Variants in NUP98 observed in about 807,000 individuals in gnomAD.
NUP98 encodes nuclear pore complex protein Nup98-Nup96.
A neutral mutation model predicts 191.9 loss-of-function variants in NUP98; 26 were observed. The ratio of observed to expected loss-of-function variants is 0.14; its 90% confidence interval spans 0.10 to 0.19. NUP98 has a LOEUF of 0.19. Ranked by LOEUF, NUP98 falls within the 10% of genes least tolerant of loss-of-function variation. The probability of loss-of-function intolerance (pLI) is 1.00; values close to 1 mark genes in which losing one functional copy is unlikely to be tolerated. For missense variants in NUP98, 1,941 were observed against 2,178.8 expected (o/e 0.89, Z 2.17); for synonymous variants, 808 against 778.4 (o/e 1.04, Z -0.63).
chr11:3,781,209 A>T (rs1045630844), intron 2 of NUP98, among the ~76,000 whole-genome samples: 23 of 149,430 alleles, frequency 1.5e-4, no homozygotes, highest in Non-Finnish European at 3.0e-4. Context: ...AAAAAAAAAA[A>T]TTTTCATCAA....
rs1471379142 is a variant in NUP98 at position 3,679,672 on chromosome 11, C to T, written c.4955G>A (p.Gly1652Glu). ...TGGAGGTGCCAGGTCTTCCAAGAAC[C>T]CCTTCAGGTAGTCATAGTTCTCATT... The part of the protein sequence containing the change: ...IINENYDYLK[G>E]FLEDLAPPER... Residue 1652 changes from glycine (G) to glutamate (E), a missense_variant, in exon 31 of 33, where the codon GGG (glycine) becomes GAG (glutamate). Physicochemically the swap from Gly to Glu is moderately conservative, Grantham distance 98 (BLOSUM62 -2). Around this residue, in one of 6 missense-constraint regions of NUP98, gnomAD observed 1,030 missense variants for 1,115.8 expected, o/e 0.92. Coordinates refer to ENST00000324932, the MANE Select transcript of NUP98 (RefSeq NM_016320.5). 6.2e-7 allele frequency: 1 copy of T among 1,614,076 alleles called. No individual in the cohort carries two copies. The highest frequency in any genetic ancestry group is 1.1e-5 in the South Asian group (1 of 91,082).
rs1189518368 is a variant in NUP98, at chr11:3,797,476, C to A, written c.-105G>T. On this transcript the variant is annotated 5_prime_UTR_variant, in exon 1 of 33. Transcript: ENST00000324932. ...CGCTCACAGAGCAGCGCGCGGCCCC[C>A]ACGAAACCGTCGCCGCCGCCGCTAC... 2 of 433,582 alleles carry A rather than the reference C, an allele frequency of 4.6e-6. No homozygotes were observed. The highest frequency in any genetic ancestry group is 3.6e-5 in the East Asian group (1 of 28,138). 26.9% of individuals were successfully genotyped at this position (433,582 alleles called of 1,614,324 possible). A position where few individuals can be genotyped will look rare whatever the true frequency, so the allele number is the denominator to read the frequency against.
chr11:3,755,400 G>A (rs1284927312), intron 10 of NUP98, among the ~76,000 whole-genome samples: 3 of 151,980 alleles, frequency 2.0e-5, no homozygotes, highest in East Asian at 3.9e-4. Flanking sequence ...GGAGGCAGAG[G>A]GTTACAGTGA....
Position 3,745,843 on chromosome 11 carries a change from A to G in NUP98, c.1268-1194T>C, listed in dbSNP as rs116044699. Among the ~76,000 whole-genome samples, 1,177 of 152,320 alleles carry G rather than the reference A, an allele frequency of 7.7e-3. 17 individuals carry two copies. The highest frequency in any genetic ancestry group is 0.027 in the Middle Eastern group (8 of 294). ...TCAAAGATATAATACTTGCAGGTCA[A>G]AAATATTGTATGGGAACTGCTTTGA... On this transcript the variant is annotated intron_variant, in intron 11 of 32. Coordinates refer to ENST00000324932, the MANE Select transcript of NUP98 (RefSeq NM_016320.5).
intron 1 of NUP98, among the ~76,000 whole-genome samples, chr11:3,784,120 G>C (rs535000175): frequency 1.4e-3 from 219 of 152,298 alleles, no homozygotes; most frequent in African/African-American, 4.5e-3. Context: ...TGTATGTAAA[G>C]AGTAGTCTTT....
rs140963797 is a variant in NUP98, at chr11:3,751,481, C to T, written c.1267+1835G>A. ...CGGGTCTGACAAGATACATGCCAAA[C>T]AACCCTAATCATTTCACAGCTGAAA... On this transcript the variant is annotated intron_variant, in intron 11 of 32. Coordinates refer to ENST00000324932, the MANE Select transcript of NUP98 (RefSeq NM_016320.5). Among the ~76,000 whole-genome samples, 229 of 152,296 alleles carry T rather than the reference C, an allele frequency of 1.5e-3. 1 individual carries two copies. Among genetic ancestry groups the T allele is most frequent in the African/African-American group, 5.1e-3 (214 of 41,568 alleles).
intron 8 of NUP98, among the ~76,000 whole-genome samples, chr11:3,765,697 A>T (rs899117684): frequency 2.0e-5 from 3 of 152,020 alleles, no homozygotes; most frequent in East Asian, 3.9e-4. Flanking sequence ...GTTACTCAGG[A>T]GACCAAGGCA....
intron 5 of NUP98, 59 bp from the exon 6 acceptor site, chr11:3,773,798 G>C: frequency 3.0e-6 from 3 of 998,716 alleles, no homozygotes; most frequent in Non-Finnish European, 4.7e-6. Context: ...TACTCTCTCA[G>C]ATACAATTTC....
At chr11:3,740,808 A>G (rs2080254155) in intron 12 of NUP98, among the ~76,000 whole-genome samples, 1 of 150,246 alleles carries the variant, frequency 6.7e-6, no homozygotes, top group Non-Finnish European at 1.5e-5. Context: ...TTTTAAATAT[A>G]AATATATATA....
chr11:3,777,535 C>T (rs369408262), intron 4 of NUP98, among the ~76,000 whole-genome samples: 3 of 148,812 alleles, frequency 2.0e-5, no homozygotes, highest in Non-Finnish European at 4.4e-5. Context: ...GCAGGAGACT[C>T]GCTTAAACTG....
At chr11:3,696,778 C>T (rs1390913924) in intron 25 of NUP98, 1 of 151,830 alleles carries the variant, frequency 6.6e-6, no homozygotes, top group Non-Finnish European at 1.5e-5. Flanking sequence ...CCACTGCACT[C>T]CATCCTGGGG....
chr11:3,695,545 C>G lies in NUP98; in HGVS notation c.4071G>C (p.Leu1357=), dbSNP rs1564813697. ...GCCAGTCCACCAACTGCATGGTGAG[C>G]AGCTCCCGGACTGACTGGCTACCCA... is the stretch of plus-strand genomic sequence containing the variant. ...QFVGSQSVRE[L]LTMQLVDWHQ... The change falls in exon 26 of 33, where the codon CTG becomes CTC. Residue 1357 remains leucine, a synonymous_variant. Transcript: ENST00000324932. 6.2e-7 allele frequency: 1 copy of G among 1,610,590 alleles called. No individual in the cohort carries two copies. Among genetic ancestry groups the G allele is most frequent in the Non-Finnish European group, 8.5e-7 (1 of 1,178,432 alleles).
rs117926101 is a variant in NUP98 at position 3,699,161 on chromosome 11, T to A, written c.3930A>T (p.Lys1310Asn). Residue 1310 changes from lysine to asparagine, a missense_variant, in exon 25 of 33, where the codon AAA becomes AAT. Lys to Asn is a moderately conservative substitution (Grantham distance 94, BLOSUM62 0). Coordinates refer to ENST00000324932, the MANE Select transcript of NUP98 (RefSeq NM_016320.5). ...TGAATACAGCCTCCACAGGGCTGTT[T>A]TTTTGGGTTAAGGAGACTTCCTCTT... ...QIEEEVSLTQ[K>N]NSPVEAVFSY... is the part of the protein sequence containing the mutation. The A allele has an allele frequency of 1.2e-6, 2 of 1,614,030 alleles. No individual in the cohort carries two copies. Among genetic ancestry groups the A allele is most frequent in the Non-Finnish European group, 8.5e-7 (1 of 1,180,016 alleles).
chr11:3,796,385 T>C (rs1390762209), intron 1 of NUP98, among the ~76,000 whole-genome samples: 1 of 152,188 alleles, frequency 6.6e-6, no homozygotes, highest in Non-Finnish European at 1.5e-5. Flanking sequence ...CTGACACAAG[T>C]CAAAAAATTC....
At chr11:3,693,848 A>G (rs2078402953) in intron 26 of NUP98, among the ~76,000 whole-genome samples, 1 of 152,238 alleles carries the variant, frequency 6.6e-6, no homozygotes, top group Non-Finnish European at 1.5e-5. Context: ...CTTTAAGATA[A>G]TAATATAAGA....
At chr11:3,773,182 G>A (rs1388747929) in intron 6 of NUP98, among the ~76,000 whole-genome samples, 1 of 151,984 alleles carries the variant, frequency 6.6e-6, no homozygotes, top group Non-Finnish European at 1.5e-5. Flanking sequence ...AAGAAAAATC[G>A]CTTGAGCTCA....
At chr11:3,758,544 G>C (rs1315996080) in intron 10 of NUP98, among the ~76,000 whole-genome samples, 1 of 152,198 alleles carries the variant, frequency 6.6e-6, no homozygotes, top group Non-Finnish European at 1.5e-5. Flanking sequence ...CAGCACTTTG[G>C]GAGGCCGAGG....
intron 10 of NUP98, among the ~76,000 whole-genome samples, chr11:3,753,984 T>C (rs1445424051): frequency 1.3e-5 from 2 of 151,456 alleles, no homozygotes. Context: ...AATAAAGAAA[T>C]ATCAATTCAA....
At chr11:3,678,660 A>C (rs1032732162) in intron 31 of NUP98, among the ~76,000 whole-genome samples, 4 of 152,190 alleles carry the variant, frequency 2.6e-5, no homozygotes, top group Non-Finnish European at 5.9e-5. Context: ...ATTTAGTGTG[A>C]GTACAGCAGG....
Sources: gnomAD v4.1 joint callset for allele counts (sites outside exome capture counted in the v4.1 genomes callset) on GRCh38, gnomAD v4.1.1 for gene constraint, gnomAD v4.1.1 regional missense constraint, MANE v1.5 for transcripts, NCBI Gene and HGNC (gene_info 2026-07-23, HGNC 2026-07-21) for gene names.